The following MAK16 variants were observed in gnomAD, a reference collection of about 807,000 sequenced individuals.
MAK16 encodes the protein protein MAK16 homolog.
MAK16 carries 12 observed loss-of-function variants against 49.9 expected under a neutral mutation model. The observed-to-expected ratio is 0.24, with a 90% CI of 0.15 to 0.39. The LOEUF is 0.39. Among genes scored for constraint, MAK16 ranks in the 10% least tolerant of loss-of-function variants. The pLI is 1.00. For synonymous variants in MAK16, 115 were observed against 126.4 expected (o/e 0.91, Z 0.60); for missense variants, 292 against 363.7 (o/e 0.80, Z 1.60).
At chr8:33,488,827 C>T (rs530734186) in intron 4 of MAK16, 29 bp downstream of exon 4, 21 of 1,612,464 alleles carry the variant, frequency 1.3e-5, no homozygotes, top group Admixed American at 1.7e-5. Context: ...CTACAGTGAC[C>T]GCTGATCAAG....
In MAK16 at chr8:33,498,539, C is replaced by G; in HGVS notation, c.813C>G (p.Pro271=). ...GTGCGAAACACAAAGGCAAAATGCC[C>G]TTGAGAGGACCACTGCAGAGAAAAC... ...ALSAKHKGKM[P]LRGPLQRKRA... Residue 271 remains proline, a synonymous_variant, in exon 10 of 10, where the codon CCC becomes CCG. Transcript: ENST00000360128. The G allele has an allele frequency of 6.2e-7, 1 of 1,614,040 alleles. No homozygotes were observed. Among genetic ancestry groups the G allele is most frequent in the African/African-American group, 1.3e-5 (1 of 75,000 alleles).
chr8:33,485,584 C>T (rs949442135), intron 1 of MAK16: 1 of 360,308 alleles, frequency 2.8e-6, no homozygotes, highest in Non-Finnish European at 5.2e-6. Flanking sequence ...CAAGTTTAAG[C>T]GTCCTTCTCA....
intron 6 of MAK16, among the ~76,000 whole-genome samples, chr8:33,492,788 G>C (rs1468676729): frequency 6.6e-6 from 1 of 151,778 alleles, no homozygotes; most frequent in Admixed American, 6.6e-5. Flanking sequence ...ATAGTGTTGT[G>C]GTTGCTATAG....
chr8:33,492,943 A>T (rs1808800446), intron 6 of MAK16, among the ~76,000 whole-genome samples: 1 of 148,240 alleles, frequency 6.7e-6, no homozygotes, highest in East Asian at 2.0e-4. Flanking sequence ...TAACAATTTT[A>T]GGATTTTTTT....
At chr8:33,494,263 C>T (rs943393594) in intron 6 of MAK16, among the ~76,000 whole-genome samples, 17 of 152,038 alleles carry the variant, frequency 1.1e-4, no homozygotes, top group African/African-American at 2.4e-5. Flanking sequence ...TTAGTAGAGA[C>T]GGGGTTTCAC....
rs561419398 is a variant in MAK16 at position 33,499,313 on chromosome 8, T to C, written c.*684T>C. ...AAACCAAACAGGCTTTGATATTTTT[T>C]TTTTTTTAATTACTTTCCCCTTTTG... On this transcript the variant is annotated 3_prime_UTR_variant, in exon 10 of 10. Transcript: ENST00000360128. 12 of 1,466,576 alleles carry C rather than the reference T, an allele frequency of 8.2e-6. No individual in the cohort carries two copies. The highest frequency in any genetic ancestry group is 1.1e-5 in the Non-Finnish European group (11 of 1,047,214). The allele number at this position is 1,466,576 out of a possible 1,614,324, so 90.8% of individuals were successfully genotyped here.
At chr8:33,493,832 T>A (rs1808814527) in intron 6 of MAK16, among the ~76,000 whole-genome samples, 1 of 152,182 alleles carries the variant, frequency 6.6e-6, no homozygotes, top group South Asian at 2.1e-4. Flanking sequence ...TTAAAGTGTG[T>A]GATTGCAATT....
In MAK16 at chr8:33,488,424, T is replaced by C; in HGVS notation, c.62T>C (p.Ile21Thr). Residue 21 changes from isoleucine (I) to threonine (T), a missense_variant, in exon 2 of 10, where the codon ATA (isoleucine) becomes ACA (threonine). Ile to Thr is a moderately conservative substitution (Grantham distance 89). Coordinates refer to ENST00000360128, the MANE Select transcript of MAK16 (RefSeq NM_032509.4). ...AACAAGCAATTTTGTTCCTTCAAAA[T>C]AAGGTGAGTCTCAATTTACAACTTG... Reference protein sequence around the residue: ...LGNKQFCSFKIRTKTQSFCRN... With the variant: ...LGNKQFCSFKTRTKTQSFCRN... 6.2e-7 allele frequency: 1 copy of C among 1,614,196 alleles called. No homozygotes were observed. The highest frequency in any genetic ancestry group is 8.5e-7 in the Non-Finnish European group (1 of 1,180,014).
Position 33,500,126 on chromosome 8 carries a change from T to C in MAK16, c.*1497T>C, listed in dbSNP as rs559674754. 5.2e-6 allele frequency: 3 copies of C among 572,210 alleles called. No individual in the cohort carries two copies. The highest frequency in any genetic ancestry group is 1.9e-5 in the African/African-American group (1 of 53,270). The allele number at this position is 572,210 out of a possible 1,614,324, so 35.4% of individuals were successfully genotyped here. On this transcript the variant is annotated 3_prime_UTR_variant, in exon 10 of 10. Transcript: ENST00000360128. Reference sequence around the variant, plus strand: ...GTGCTGATCCTCCTGCCTTTAGTTCTAAATGGTTCTGAATAGCTTTAAAAG... The same window carrying C: ...GTGCTGATCCTCCTGCCTTTAGTTCCAAATGGTTCTGAATAGCTTTAAAAG...
At chr8:33,488,939 A>G in intron 4 of MAK16, 49 bp from the exon 5 acceptor site, 1 of 1,612,328 alleles carries the variant, frequency 6.2e-7, no homozygotes, top group Non-Finnish European at 8.5e-7. Flanking sequence ...GTGAAAACCT[A>G]ATGAATCATT....
At chr8:33,496,787 A>G (rs759432985) in intron 8 of MAK16, 46 bp downstream of exon 8, 3 of 1,354,884 alleles carry the variant, frequency 2.2e-6, no homozygotes, top group Non-Finnish European at 2.0e-6. Context: ...TACCATTTGT[A>G]TAAAACTGAG....
At chr8:33,492,884 C>T (rs533794043) in intron 6 of MAK16, among the ~76,000 whole-genome samples, 1 of 149,624 alleles carries the variant, frequency 6.7e-6, no homozygotes, top group East Asian at 2.0e-4. Flanking sequence ...GTTTGTTTTG[C>T]TGTTTTGTTT....
At position 33,499,670 on chromosome 8, in the gene MAK16, T is replaced by A. The variant is rs1034122771; in HGVS notation, c.*1041T>A. The stretch of plus-strand genomic sequence containing the variant: ...CTCTACATATTTTTAGGATATGAAT[T>A]TTTTTTTCCTGCTGGGTAGATTGTC... On this transcript the variant is annotated 3_prime_UTR_variant, in exon 10 of 10. Transcript: ENST00000360128. 1 of 181,954 alleles carries A rather than the reference T, an allele frequency of 5.5e-6. No individual in the cohort carries two copies. The highest frequency in any genetic ancestry group is 2.4e-5 in the African/African-American group (1 of 41,664). 11.3% of individuals were successfully genotyped at this position (181,954 alleles called of 1,614,324 possible).
intron 1 of MAK16, among the ~76,000 whole-genome samples, chr8:33,486,191 G>A (rs778239905): frequency 6.6e-5 from 10 of 152,142 alleles, no homozygotes; most frequent in Non-Finnish European, 1.3e-4. Flanking sequence ...TTTGTGAAAA[G>A]TTGTCTAGTT....
rs1209695603 is a variant in MAK16, at chr8:33,489,578, C to T, written c.392+439C>T. On this transcript the variant is annotated intron_variant, in intron 5 of 9. Transcript: ENST00000360128. This position sits in a 1 kb window ranked among gnomAD's most constrained non-coding sequence, Gnocchi z 4.2. ...TATTTTTAGTAGAGATGGGGTTTCA[C>T]CATGTTGGCCAGGCTGGTCTAGAAT... Among the ~76,000 whole-genome samples, 1 of 152,070 alleles carries T rather than the reference C, an allele frequency of 6.6e-6. No individual in the cohort carries two copies. The highest frequency in any genetic ancestry group is 1.5e-5 in the Non-Finnish European group (1 of 68,026).
chr8:33,496,619 C>T lies in MAK16; in HGVS notation c.523-6C>T. On this transcript the variant is annotated splice_region_variant and splice_polypyrimidine_tract_variant and intron_variant, in intron 7 of 9. Coordinates refer to ENST00000360128, the MANE Select transcript of MAK16 (RefSeq NM_032509.4). ...GTTAAAGCCAATCTGTGTTTATGTT[C>T]TTCAGTATGGCGACATCTACAACTT... is the stretch of plus-strand genomic sequence containing the variant. 1.2e-6 allele frequency: 2 copies of T among 1,606,598 alleles called. No individual in the cohort carries two copies. The highest frequency in any genetic ancestry group is 1.7e-6 in the Non-Finnish European group (2 of 1,174,470).
chr8:33,486,534 A>G (rs1003702714), intron 1 of MAK16, among the ~76,000 whole-genome samples: 1 of 152,242 alleles, frequency 6.6e-6, no homozygotes, highest in African/African-American at 2.4e-5. Context: ...CCTGGGTGAC[A>G]GAGAGACCCT....
At chr8:33,485,809 A>G (rs1416619867) in intron 1 of MAK16, among the ~76,000 whole-genome samples, 1 of 152,224 alleles carries the variant, frequency 6.6e-6, no homozygotes, top group Non-Finnish European at 1.5e-5. Flanking sequence ...CTCCTGGAAC[A>G]CTGATGGGGG....
rs766250954 is a variant in MAK16 at position 33,490,383 on chromosome 8, T to TG, written c.447+49dup. The TG allele has an allele frequency of 1.2e-5, 18 of 1,536,178 alleles. No individual in the cohort carries two copies. The African/African-American group carries it at 2.0e-4, about 17-fold the overall frequency. ...ATTCATACCTTCTACATTTTCTTTC[T>TG]GGGGGTCTCTTATAGATTCAGTCAC... On this transcript the variant is annotated intron_variant, in intron 6 of 9. Coordinates refer to ENST00000360128, the MANE Select transcript of MAK16 (RefSeq NM_032509.4).
Sources: allele counts gnomAD v4.1 joint callset (sites outside exome capture counted in the v4.1 genomes callset), GRCh38; gene constraint gnomAD v4.1.1; non-coding constraint Gnocchi (gnomAD v3.1); transcripts MANE v1.5; gene names NCBI Gene and HGNC (gene_info 2026-07-23, HGNC 2026-07-21).